NAGS: variants seen among roughly 807,000 people sequenced by gnomAD.
NAGS encodes the protein N-acetylglutamate synthase, mitochondrial.
NAGS carries 34 observed loss-of-function variants against 46.9 expected under a neutral mutation model. That is an observed-to-expected ratio of 0.72 (90% CI 0.55 to 0.97). The LOEUF is 0.97. Ranked by LOEUF, NAGS falls within the 50% of genes least tolerant of loss-of-function variation. NAGS has a pLI of 0.00. For missense variants in NAGS, 665 were observed against 747.0 expected, an observed-to-expected ratio of 0.89 and a Z score of 1.28; for synonymous variants, 334 against 346.3, an observed-to-expected ratio of 0.96 and a Z score of 0.39.
At position 44,006,048 on chromosome 17, in the gene NAGS, G is replaced by T. The variant is rs1164015864; in HGVS notation, c.726G>T (p.Glu242Asp). The T allele has an allele frequency of 6.2e-7, 1 of 1,606,644 alleles. No individual in the cohort carries two copies. The highest frequency in any genetic ancestry group is 8.5e-7 in the Non-Finnish European group (1 of 1,178,164). Residue 242 changes from glutamate (E) to aspartate (D), a missense_variant, in exon 3 of 7, where the codon GAG becomes GAT. Physicochemically the swap from Glu to Asp is conservative, Grantham distance 45. Transcript: ENST00000293404. The surrounding 1 kb of genome is among the most constrained non-coding windows in gnomAD (Gnocchi z 4.8). ...HASYGGIVSV[E>D]TDLLQWCLES... ...GCTACGGCGGCATCGTCTCGGTGGA[G>T]ACAGACCTGCTGCAGTGGTGCCTGG...
chr17:44,007,854 C>G lies in NAGS; in HGVS notation c.1451+81C>G, dbSNP rs2049116968. On this transcript the variant is annotated intron_variant, in intron 6 of 6. Coordinates refer to ENST00000293404, the MANE Select transcript of NAGS (RefSeq NM_153006.3). The surrounding 1 kb of genome is among the most constrained non-coding windows in gnomAD (Gnocchi z 5.1). The stretch of plus-strand genomic sequence containing the variant: ...ACCCTTGCCAACCATGCCAAGAAGG[C>G]TGGGCTTCCTCTTCTTCCACTGGTC... 1 of 1,418,976 alleles carries G rather than the reference C, an allele frequency of 7.0e-7. No homozygotes were observed. The highest frequency in any genetic ancestry group is 2.0e-5 in the Admixed American group (1 of 50,894). The allele number at this position is 1,418,976 out of a possible 1,614,324, so 87.9% of individuals were successfully genotyped here.
chr17:44,008,489 G>A lies in NAGS; in HGVS notation c.1493G>A (p.Trp498Ter), dbSNP rs760695489. ...HSDGSFSNKQ[W>*]IFFWFGLADI... ...GATGGCAGCTTCTCCAACAAGCAGT[G>A]GATCTTCTTCTGGTTTGGCCTGGCT... The change falls in exon 7 of 7, where the codon TGG (tryptophan) becomes TAG (stop). Residue 498 changes from tryptophan to a stop codon, truncating the protein, a stop_gained. Transcript: ENST00000293404. LOFTEE classifies it high-confidence loss of function. The A allele has an allele frequency of 4.3e-6, 7 of 1,614,258 alleles. No individual in the cohort carries two copies. The highest frequency in any genetic ancestry group is 5.9e-6 in the Non-Finnish European group (7 of 1,180,042).
In NAGS at chr17:44,005,237, T is replaced by C. The variant is rs998246095; in HGVS notation, c.426+148T>C. 1.7e-5 allele frequency: 24 copies of C among 1,423,070 alleles called. No individual in the cohort carries two copies. The South Asian group carries it at 3.6e-4, about 21-fold the overall frequency. The allele number at this position is 1,423,070 out of a possible 1,614,324, so 88.2% of individuals were successfully genotyped here. On this transcript the variant is annotated intron_variant, in intron 1 of 6. Coordinates refer to ENST00000293404, the MANE Select transcript of NAGS (RefSeq NM_153006.3). This position sits in a 1 kb window ranked among gnomAD's most constrained non-coding sequence, Gnocchi z 7.2. ...GGGCCCAGACCAGCGCCGCCGGGAA[T>C]GGGAGAGGCCGTAAGCTCCTCCGGA...
Position 44,006,352 on chromosome 17 carries a change from G to A in NAGS, c.915+115G>A, listed in dbSNP as rs2049091322. Reference sequence around the variant, plus strand: ...ACTAGCAAGCCGGGTGGGTAGAAAAGCCTAAGGGAGTATAGGGGAGGAGTT... The same window carrying A: ...ACTAGCAAGCCGGGTGGGTAGAAAAACCTAAGGGAGTATAGGGGAGGAGTT... On this transcript the variant is annotated intron_variant, in intron 3 of 6. Coordinates refer to ENST00000293404, the MANE Select transcript of NAGS (RefSeq NM_153006.3). The surrounding 1 kb of genome is among the most constrained non-coding windows in gnomAD (Gnocchi z 4.8). 1 of 1,477,912 alleles carries A rather than the reference G, an allele frequency of 6.8e-7. No individual in the cohort carries two copies. Among genetic ancestry groups the A allele is most frequent in the Non-Finnish European group, 9.2e-7 (1 of 1,082,192 alleles). The allele number at this position is 1,477,912 out of a possible 1,614,324, so 91.5% of individuals were successfully genotyped here. A position where few individuals can be genotyped will look rare whatever the true frequency, so the allele number is the denominator to read the frequency against.
Position 44,005,654 on chromosome 17 carries a change from C to A in NAGS, c.444C>A (p.Leu148=), listed in dbSNP as rs2143982508. Residue 148 remains leucine, a synonymous_variant, in exon 2 of 7, where the codon CTC becomes CTA. Transcript: ENST00000293404. This position sits in a 1 kb window ranked among gnomAD's most constrained non-coding sequence, Gnocchi z 7.2. ...CTCCGCAGGTGGACGAGGAGGTGCT[C>A]AAGTGCCAGCAGGGCGTATCCAGTC... ...FAVIEVDEEV[L]KCQQGVSSLA... is the part of the protein sequence containing the mutation. 1.9e-6 allele frequency: 3 copies of A among 1,611,556 alleles called. No individual in the cohort carries two copies. Among genetic ancestry groups the A allele is most frequent in the South Asian group, 2.2e-5 (2 of 90,408 alleles).
At position 44,005,068 on chromosome 17, in the gene NAGS, C is replaced by A; in HGVS notation, c.405C>A (p.Asp135Glu). ...TCCAGACCTGCCATCACTCCGCGGA[C>A]AAGCCCTTCGCCGTCATCGAGGTGA... ...TQFQTCHHSA[D>E]KPFAVIEVDE... The change falls in exon 1 of 7, where the codon GAC becomes GAA. Residue 135 changes from aspartate (D) to glutamate (E), a missense_variant. By Grantham distance (45) the Asp-to-Glu change is conservative. Coordinates refer to ENST00000293404, the MANE Select transcript of NAGS (RefSeq NM_153006.3). This position sits in a 1 kb window ranked among gnomAD's most constrained non-coding sequence, Gnocchi z 7.2. 1 of 1,574,078 alleles carries A rather than the reference C, an allele frequency of 6.4e-7. No homozygotes were observed. The highest frequency in any genetic ancestry group is 8.6e-7 in the Non-Finnish European group (1 of 1,164,098).
At position 44,005,653 on chromosome 17, in the gene NAGS, T is replaced by C. The variant is rs1349309184; in HGVS notation, c.443T>C (p.Leu148Pro). The C allele has an allele frequency of 6.2e-7, 1 of 1,611,586 alleles. No individual in the cohort carries two copies. The highest frequency in any genetic ancestry group is 1.1e-5 in the South Asian group (1 of 90,418). The change falls in exon 2 of 7, where the codon CTC becomes CCC. Residue 148 changes from leucine to proline, a missense_variant. Physicochemically the swap from Leu to Pro is moderately conservative, Grantham distance 98. Transcript: ENST00000293404. This position sits in a 1 kb window ranked among gnomAD's most constrained non-coding sequence, Gnocchi z 7.2. ...CCTCCGCAGGTGGACGAGGAGGTGC[T>C]CAAGTGCCAGCAGGGCGTATCCAGT... Reference protein sequence around the residue: ...FAVIEVDEEVLKCQQGVSSLA... With the variant: ...FAVIEVDEEVPKCQQGVSSLA...
Position 44,006,971 on chromosome 17 carries a change from C to T in NAGS, c.1096+262C>T. On this transcript the variant is annotated intron_variant, in intron 4 of 6. Transcript: ENST00000293404. The surrounding 1 kb of genome is among the most constrained non-coding windows in gnomAD (Gnocchi z 4.8). ...GGAGAAGGAGGGGCCCCCCGGTGGG[C>T]GGGGCCAGGGGCGGGACCATAAGGG... The T allele has an allele frequency of 5.0e-6, 1 of 198,516 alleles. No individual in the cohort carries two copies. Among genetic ancestry groups the T allele is most frequent in the Non-Finnish European group, 9.5e-6 (1 of 104,846 alleles). The allele number at this position is 198,516 out of a possible 1,614,324, so 12.3% of individuals were successfully genotyped here.
rs1352602236 is a variant in NAGS at position 44,007,622 on chromosome 17, C to A, written c.1300C>A (p.Pro434Thr). 1 of 1,606,666 alleles carries A rather than the reference C, an allele frequency of 6.2e-7. No individual in the cohort carries two copies. The highest frequency in any genetic ancestry group is 1.1e-5 in the South Asian group (1 of 90,162). ...CGCCGCCGCCATTCTGACCATGGAG[C>A]CCGTCCTGGGGGGCACCCCGTACCT... ...YNAAAILTME[P>T]VLGGTPYLDK... The change falls in exon 6 of 7, where the codon CCC becomes ACC. Residue 434 changes from proline to threonine, a missense_variant. Pro to Thr is a conservative substitution (Grantham distance 38). Transcript: ENST00000293404. This position sits in a 1 kb window ranked among gnomAD's most constrained non-coding sequence, Gnocchi z 5.1.
Position 44,009,031 on chromosome 17 carries a change from CAGG to C in NAGS, c.*434_*436del, listed in dbSNP as rs1404447612. The C allele has an allele frequency of 4.7e-6, 1 of 213,144 alleles. No individual in the cohort carries two copies. Among genetic ancestry groups the C allele is most frequent in the African/African-American group, 2.3e-5 (1 of 44,298 alleles). The allele number at this position is 213,144 out of a possible 1,614,324, so 13.2% of individuals were successfully genotyped here. A position where few individuals can be genotyped will look rare whatever the true frequency, so the allele number is the denominator to read the frequency against. The stretch of plus-strand genomic sequence containing the variant: ...AATTCCTTTGGGTCTTGCAGTTTTT[CAGG>C]AGGCCTTGATTAAAATGCAAATACT... On this transcript the variant is annotated 3_prime_UTR_variant, in exon 7 of 7. Coordinates refer to ENST00000293404, the MANE Select transcript of NAGS (RefSeq NM_153006.3). The surrounding 1 kb of genome is among the most constrained non-coding windows in gnomAD (Gnocchi z 4.0).
At position 44,006,594 on chromosome 17, in the gene NAGS, A is replaced by T. The variant is rs1436843910; in HGVS notation, c.981A>T (p.Thr327=). The part of the protein sequence containing the change: ...DLVCNAEWVS[T]KERQQMRLIV... ...TGTGCAACGCCGAGTGGGTGAGCAC[A>T]AAAGAACGGCAGCAGATGCGGCTCA... is the stretch of plus-strand genomic sequence containing the variant. The change falls in exon 4 of 7, where the codon ACA becomes ACT. Residue 327 remains threonine (T), a synonymous_variant. Coordinates refer to ENST00000293404, the MANE Select transcript of NAGS (RefSeq NM_153006.3). This position sits in a 1 kb window ranked among gnomAD's most constrained non-coding sequence, Gnocchi z 4.8. 1 of 1,598,784 alleles carries T rather than the reference A, an allele frequency of 6.3e-7. No individual in the cohort carries two copies. The highest frequency in any genetic ancestry group is 1.7e-5 in the Admixed American group (1 of 57,918).
In NAGS at chr17:44,007,210, G is replaced by A; in HGVS notation, c.1097-113G>A. The stretch of plus-strand genomic sequence containing the variant: ...CAGACCACTGAAATCATTTCACTGT[G>A]GAGGTCTCCCAAAGACGGAAATTGT... On this transcript the variant is annotated intron_variant, in intron 4 of 6. Coordinates refer to ENST00000293404, the MANE Select transcript of NAGS (RefSeq NM_153006.3). The surrounding 1 kb of genome is among the most constrained non-coding windows in gnomAD (Gnocchi z 5.1). 1 of 906,146 alleles carries A rather than the reference G, an allele frequency of 1.1e-6. No homozygotes were observed. The highest frequency in any genetic ancestry group is 1.7e-5 in the African/African-American group (1 of 59,606). 56.1% of individuals were successfully genotyped at this position (906,146 alleles called of 1,614,324 possible).
In NAGS at chr17:44,006,821, G is replaced by C; in HGVS notation, c.1096+112G>C. 1 of 1,193,442 alleles carries C rather than the reference G, an allele frequency of 8.4e-7. No individual in the cohort carries two copies. The highest frequency in any genetic ancestry group is 1.2e-6 in the Non-Finnish European group (1 of 869,244). 73.9% of individuals were successfully genotyped at this position (1,193,442 alleles called of 1,614,324 possible). ...TCCTCCTGTCCAGGAGCCGTAGGGG[G>C]AGGCGGGGGGTGTCACAGCAATGGC... On this transcript the variant is annotated intron_variant, in intron 4 of 6. Coordinates refer to ENST00000293404, the MANE Select transcript of NAGS (RefSeq NM_153006.3). This position sits in a 1 kb window ranked among gnomAD's most constrained non-coding sequence, Gnocchi z 4.8.
In NAGS at chr17:44,005,968, T is replaced by C. The variant is rs1275311699; in HGVS notation, c.702-56T>C. The C allele has an allele frequency of 1.3e-6, 2 of 1,555,696 alleles. No homozygotes were observed. Among genetic ancestry groups the C allele is most frequent in the Non-Finnish European group, 8.7e-7 (1 of 1,154,224 alleles). On this transcript the variant is annotated intron_variant, in intron 2 of 6. Transcript: ENST00000293404. The surrounding 1 kb of genome is among the most constrained non-coding windows in gnomAD (Gnocchi z 7.2). ...TCAGAGCGTGCTACTCTGCCCGCCC[T>C]GCCCCGTCCGGCAGGCCTGGAGGGG...
rs1009436443 is a variant in NAGS, at chr17:44,004,714, G to A, written c.51G>A (p.Pro17=). Residue 17 remains proline (P), a synonymous_variant, in exon 1 of 7, where the codon CCG becomes CCA. Coordinates refer to ENST00000293404, the MANE Select transcript of NAGS (RefSeq NM_153006.3). The part of the protein sequence containing the change: ...AVVLRAAAVA[P]RLRGRGGTGG... ...TTCTGCGGGCAGCTGCTGTAGCCCC[G>A]AGGCTGAGAGGCCGGGGAGGCACTG... 2.9e-5 allele frequency: 43 copies of A among 1,503,550 alleles called. No homozygotes were observed. Among genetic ancestry groups the A allele is most frequent in the Middle Eastern group, 1.9e-4 (1 of 5,144 alleles). 93.1% of individuals were successfully genotyped at this position (1,503,550 alleles called of 1,614,324 possible).
rs2049125438 is a variant in NAGS, at chr17:44,008,671, C to T, written c.*70C>T. ...CAAAAGCCATGCCAGCTGGGCATGA[C>T]CCCAGGCAGCCAGCCACAGGCTGAA... On this transcript the variant is annotated 3_prime_UTR_variant, in exon 7 of 7. Transcript: ENST00000293404. 6.3e-7 allele frequency: 1 copy of T among 1,597,798 alleles called. No homozygotes were observed. Among genetic ancestry groups the T allele is most frequent in the Non-Finnish European group, 8.6e-7 (1 of 1,167,038 alleles).
Position 44,005,220 on chromosome 17 carries a change from A to G in NAGS, c.426+131A>G. The G allele has an allele frequency of 7.0e-7, 1 of 1,434,126 alleles. No individual in the cohort carries two copies. The highest frequency in any genetic ancestry group is 9.1e-7 in the Non-Finnish European group (1 of 1,096,194). 88.8% of individuals were successfully genotyped at this position (1,434,126 alleles called of 1,614,324 possible). On this transcript the variant is annotated intron_variant, in intron 1 of 6. Transcript: ENST00000293404. This position sits in a 1 kb window ranked among gnomAD's most constrained non-coding sequence, Gnocchi z 7.2. Reference sequence around the variant, plus strand: ...CGGGAAGGAGCCCGGCAGGGCCCAGACCAGCGCCGCCGGGAATGGGAGAGG... The same window carrying G: ...CGGGAAGGAGCCCGGCAGGGCCCAGGCCAGCGCCGCCGGGAATGGGAGAGG...
At position 44,006,125 on chromosome 17, in the gene NAGS, G is replaced by T; in HGVS notation, c.803G>T (p.Arg268Leu). ...CCCATCGGGGAGACGGCCGCGCGCCGCTCCGTGCTTCTCGACTCCCTGGAG... is the reference window on the plus strand; with the variant it reads ...CCCATCGGGGAGACGGCCGCGCGCCTCTCCGTGCTTCTCGACTCCCTGGAG... ...LCPIGETAARRSVLLDSLEVT... is the reference protein window; with the variant it reads ...LCPIGETAARLSVLLDSLEVT... The change falls in exon 3 of 7, where the codon CGC becomes CTC. Residue 268 changes from arginine to leucine, a missense_variant. Arg to Leu is a moderately radical substitution (Grantham distance 102, BLOSUM62 -2). Transcript: ENST00000293404. This position sits in a 1 kb window ranked among gnomAD's most constrained non-coding sequence, Gnocchi z 4.8. 6.2e-7 allele frequency: 1 copy of T among 1,613,074 alleles called. No homozygotes were observed. The highest frequency in any genetic ancestry group is 8.5e-7 in the Non-Finnish European group (1 of 1,179,908).
At position 44,006,030 on chromosome 17, in the gene NAGS, C is replaced by A. The variant is rs202223128; in HGVS notation, c.708C>A (p.Gly236=). The change falls in exon 3 of 7, where the codon GGC becomes GGA. Residue 236 remains glycine, a synonymous_variant. Transcript: ENST00000293404. This position sits in a 1 kb window ranked among gnomAD's most constrained non-coding sequence, Gnocchi z 4.8. The stretch of plus-strand genomic sequence containing the variant: ...CACCACGTCTGGCCCACAGCTACGG[C>A]GGCATCGTCTCGGTGGAGACAGACC... ...AAEPAPHASY[G]GIVSVETDLL... is the part of the protein sequence containing the mutation. The A allele has an allele frequency of 1.9e-6, 3 of 1,600,670 alleles. No individual in the cohort carries two copies. The South Asian group carries it at 3.3e-5, about 18-fold the overall frequency.
Sources: allele counts gnomAD v4.1 joint callset, GRCh38; gene constraint gnomAD v4.1.1; non-coding constraint Gnocchi (gnomAD v3.1); transcripts MANE v1.5; gene names NCBI Gene and HGNC (gene_info 2026-07-23, HGNC 2026-07-21).